Variants in JAZF1 observed in about 807,000 individuals in gnomAD.
JAZF1 encodes JAZF zinc finger 1.
A neutral mutation model predicts 26.4 loss-of-function variants in JAZF1; 8 were observed. The ratio of observed to expected loss-of-function variants is 0.30; its 90% CI spans 0.18 to 0.55. JAZF1 has a LOEUF of 0.55. Among genes scored for constraint, JAZF1 ranks in the 20% least tolerant of loss-of-function variants. The pLI, the probability that JAZF1 is intolerant of heterozygous loss-of-function variation, is 0.94. For synonymous variants in JAZF1, 126 were observed against 122.3 expected, an observed-to-expected ratio of 1.03 and a Z score of -0.20; for missense variants, 199 against 322.0, an observed-to-expected ratio of 0.62 and a Z score of 2.92.
At chr7:27,945,809 CA>C (rs1433546669) in intron 2 of JAZF1, among the ~76,000 whole-genome samples, 5 of 152,154 alleles carry the variant, frequency 3.3e-5, no homozygotes, top group Admixed American at 3.3e-4. Context: ...AATTCTGGGC[CA>C]ATTCACAGAA....
intron 1 of JAZF1, among the ~76,000 whole-genome samples, chr7:28,141,888 C>T (rs911297605): frequency 6.6e-6 from 1 of 152,020 alleles, no homozygotes; most frequent in Non-Finnish European, 1.5e-5. Context: ...AAAAATAATA[C>T]TTGTTACTGG....
intron 3 of JAZF1, among the ~76,000 whole-genome samples, chr7:27,871,162 TTCC>T (rs537157813): frequency 6.4e-4 from 97 of 152,354 alleles, no homozygotes; most frequent in Middle Eastern, 3.4e-3. Context: ...AACTTCGCTG[TTCC>T]TCCTCAACTG....
intron 3 of JAZF1, chr7:27,846,455 G>A (rs139537731): frequency 1.9e-5 from 9 of 469,744 alleles, no homozygotes; most frequent in South Asian, 1.1e-4. Context: ...TTCATCCACC[G>A]ATGGACAAGT....
intron 1 of JAZF1, among the ~76,000 whole-genome samples, chr7:28,139,302 C>T (rs148276513): frequency 4.1e-4 from 63 of 152,320 alleles, no homozygotes; most frequent in African/African-American, 1.4e-3. Flanking sequence ...ACAGTTAGTG[C>T]CATGAGGTGA....
At chr7:27,932,661 T>G (rs1784703208) in intron 2 of JAZF1, among the ~76,000 whole-genome samples, 1 of 152,182 alleles carries the variant, frequency 6.6e-6, no homozygotes, top group South Asian at 2.1e-4. Flanking sequence ...TAACGACAGC[T>G]AGAAGTAAAC....
intron 1 of JAZF1, among the ~76,000 whole-genome samples, chr7:28,015,293 C>T (rs531131065): frequency 6.6e-6 from 1 of 151,880 alleles, no homozygotes; most frequent in Non-Finnish European, 1.5e-5. Context: ...GGCATAGTGG[C>T]TAAATGTTAA....
At chr7:27,932,855 T>G (rs1784705920) in intron 2 of JAZF1, among the ~76,000 whole-genome samples, 1 of 152,214 alleles carries the variant, frequency 6.6e-6, no homozygotes, top group Non-Finnish European at 1.5e-5. Context: ...GCCTTAAGGC[T>G]TACATACTTT....
At chr7:28,141,288 TAAGGA>T (rs1411535284) in intron 1 of JAZF1, among the ~76,000 whole-genome samples, 1 of 152,088 alleles carries the variant, frequency 6.6e-6, no homozygotes, top group African/African-American at 2.4e-5. Flanking sequence ...ACAGAAGGTT[TAAGGA>T]AAGGATTTTT....
intron 2 of JAZF1, among the ~76,000 whole-genome samples, chr7:27,940,288 G>A (rs1784822516): frequency 5.6e-5 from 1 of 17,734 alleles, no homozygotes; most frequent in Non-Finnish European, 9.0e-5. Context: ...GGGTCACGGC[G>A]GTGTGGTGGT....
At chr7:27,838,759 C>T (rs958783164) in intron 4 of JAZF1, among the ~76,000 whole-genome samples, 8 of 152,214 alleles carry the variant, frequency 5.3e-5, no homozygotes, top group Non-Finnish European at 1.2e-4. Context: ...TCATCTCCAG[C>T]GCCTGGTCAC....
At chr7:28,061,227 A>G (rs1433102192) in intron 1 of JAZF1, among the ~76,000 whole-genome samples, 3 of 152,204 alleles carry the variant, frequency 2.0e-5, no homozygotes, top group Non-Finnish European at 4.4e-5. Context: ...TATTATTACT[A>G]TTACTATTAG....
At chr7:27,991,843 A>T (rs988776312) in intron 2 of JAZF1, 66 bp downstream of exon 2, 1 of 867,772 alleles carries the variant, frequency 1.2e-6, no homozygotes, top group Non-Finnish European at 1.9e-6. Flanking sequence ...GTTAAAAAAG[A>T]TGTGTTTAAA....
At chr7:27,918,905 C>A (rs950770738) in intron 2 of JAZF1, among the ~76,000 whole-genome samples, 1 of 152,140 alleles carries the variant, frequency 6.6e-6, no homozygotes, top group Non-Finnish European at 1.5e-5. Flanking sequence ...TGGGAAATGA[C>A]ATTGATTGTT....
In JAZF1 at chr7:28,073,953, A is replaced by G. The variant is rs1784014693; in HGVS notation, c.116-81972T>C. On this transcript the variant is annotated intron_variant, in intron 1 of 4. Coordinates refer to ENST00000283928, the MANE Select transcript of JAZF1 (RefSeq NM_175061.4). ...AGTAAATTCAATTATTTAAGAGTAGATGCTTGAAAAAAAAGTTTACTTAGT... is the reference window on the plus strand; with the variant it reads ...AGTAAATTCAATTATTTAAGAGTAGGTGCTTGAAAAAAAAGTTTACTTAGT... 3.3e-5 allele frequency among the ~76,000 whole-genome samples: 5 copies of G among 150,856 alleles called. No individual in the cohort carries two copies. The South Asian group carries it at 1.0e-3, about 32-fold the overall frequency.
intron 1 of JAZF1, among the ~76,000 whole-genome samples, chr7:28,167,251 AC>A (rs1783384336): frequency 6.6e-6 from 1 of 152,012 alleles, no homozygotes; most frequent in Non-Finnish European, 1.5e-5. Context: ...TAAAACCTCC[AC>A]CCCAGCCTCC....
chr7:28,158,373 C>T (rs1783226722), intron 1 of JAZF1, among the ~76,000 whole-genome samples: 1 of 152,158 alleles, frequency 6.6e-6, no homozygotes, highest in African/African-American at 2.4e-5. Context: ...CCTTCCTGCC[C>T]TTCCTTCTGG....
chr7:27,912,087 G>A (rs561310382), intron 2 of JAZF1, among the ~76,000 whole-genome samples: 11 of 151,244 alleles, frequency 7.3e-5, no homozygotes, highest in African/African-American at 2.7e-4. Flanking sequence ...GTTAATAGAG[G>A]ACATAAGCAT....
At chr7:28,019,649 C>T (rs1056269575) in intron 1 of JAZF1, among the ~76,000 whole-genome samples, 3 of 152,052 alleles carry the variant, frequency 2.0e-5, no homozygotes, top group Non-Finnish European at 4.4e-5. Flanking sequence ...TATTTAGCTT[C>T]TTGAGGGCAA....
chr7:28,064,996 C>T (rs1324525421), intron 1 of JAZF1, among the ~76,000 whole-genome samples: 1 of 152,182 alleles, frequency 6.6e-6, no homozygotes, highest in African/African-American at 2.4e-5. Context: ...CAAACTCACT[C>T]AAGCAGCATA....
Sources: gnomAD v4.1 joint callset for allele counts (sites outside exome capture counted in the v4.1 genomes callset) on GRCh38, gnomAD v4.1.1 for gene constraint, MANE v1.5 for transcripts, NCBI Gene and HGNC (gene_info 2026-07-23, HGNC 2026-07-21) for gene names.